EFL1: variants seen among roughly 807,000 people sequenced by gnomAD.
EFL1 encodes the protein elongation factor like GTPase 1, also known as elongation factor-like GTPase 1.
Under a neutral mutation model 126.7 loss-of-function variants are expected in EFL1, and 76 were observed. That is an observed-to-expected ratio of 0.60 (90% CI 0.50 to 0.73). The LOEUF (loss-of-function observed/expected upper bound fraction) is 0.73, where lower values mean the gene tolerates loss of function less well. Among genes scored for constraint, EFL1 ranks in the 30% least tolerant of loss-of-function variants. The pLI is 0.00. For missense variants in EFL1, 1,128 were observed against 1,343.2 expected, an observed-to-expected ratio of 0.84 and a Z score of 2.50; for synonymous variants, 410 against 448.4, an observed-to-expected ratio of 0.91 and a Z score of 1.08.
chr15:82,187,530 T>C (rs1189148165), intron 15 of EFL1, among the ~76,000 whole-genome samples: 2 of 152,164 alleles, frequency 1.3e-5, no homozygotes, highest in African/African-American at 2.4e-5. Flanking sequence ...TATTAAAACT[T>C]TTCTTGTGAC....
chr15:82,164,465 CCT>C (rs1195171139), intron 15 of EFL1, among the ~76,000 whole-genome samples: 7 of 152,260 alleles, frequency 4.6e-5, no homozygotes, highest in East Asian at 1.9e-4. Context: ...CCATACTCCC[CCT>C]GTTTTAGAAG....
chr15:82,146,883 C>G (rs908555327), intron 18 of EFL1, among the ~76,000 whole-genome samples: 15 of 151,926 alleles, frequency 9.9e-5, no homozygotes, highest in African/African-American at 3.4e-4. Flanking sequence ...GACAAAGAAC[C>G]CTGAGGGTTA....
At chr15:82,209,273 G>A (rs1188731042) in intron 15 of EFL1, among the ~76,000 whole-genome samples, 4 of 150,442 alleles carry the variant, frequency 2.7e-5, no homozygotes, top group African/African-American at 7.4e-5. Context: ...GGTTTCTGAC[G>A]CCTAGGTTAC....
intron 4 of EFL1, among the ~76,000 whole-genome samples, chr15:82,251,330 T>C (rs1203370218): frequency 6.6e-6 from 1 of 152,156 alleles, no homozygotes; most frequent in Admixed American, 6.6e-5. Context: ...CTATAGCAAA[T>C]TCTCCTACAA....
chr15:82,153,649 C>CT lies in EFL1; in HGVS notation c.2031-1227dup, dbSNP rs767846702. Among the ~76,000 whole-genome samples the CT allele has an allele frequency of 1.2e-4, 19 of 152,266 alleles. 1 individual carries two copies. The South Asian group carries it at 1.5e-3, about 12-fold the overall frequency. ...TAGGTCTGACTTCAGAATTCACACTCTCAGTCATTATGCTATACTGAAAAA... is the reference window on the plus strand; with the variant it reads ...TAGGTCTGACTTCAGAATTCACACTCTTCAGTCATTATGCTATACTGAAAAA... On this transcript the variant is annotated intron_variant, in intron 17 of 19. Coordinates refer to ENST00000268206, the MANE Select transcript of EFL1 (RefSeq NM_024580.6).
In EFL1 at chr15:82,237,497, C is replaced by T. The variant is rs147885121; in HGVS notation, c.731+810G>A. On this transcript the variant is annotated intron_variant, in intron 7 of 19. Coordinates refer to ENST00000268206, the MANE Select transcript of EFL1 (RefSeq NM_024580.6). Reference sequence around the variant, plus strand: ...CCCAACAGAATTGCTAAAATGAAAACGGTGACAACACCAAACGTGAACATT... The same window carrying T: ...CCCAACAGAATTGCTAAAATGAAAATGGTGACAACACCAAACGTGAACATT... Among the ~76,000 whole-genome samples the T allele has an allele frequency of 2.8e-3, 427 of 152,276 alleles. 3 individuals are homozygous for T. Among genetic ancestry groups the T allele is most frequent in the African/African-American group, 9.7e-3 (405 of 41,562 alleles).
chr15:82,190,857 A>C (rs1290345859), intron 15 of EFL1, among the ~76,000 whole-genome samples: 1 of 152,142 alleles, frequency 6.6e-6, no homozygotes, highest in Non-Finnish European at 1.5e-5. Context: ...ATACATACGT[A>C]TGTATGCAAA....
chr15:82,180,114 G>A (rs1483627625), intron 15 of EFL1, among the ~76,000 whole-genome samples: 2 of 151,972 alleles, frequency 1.3e-5, no homozygotes, highest in African/African-American at 4.8e-5. Flanking sequence ...TCACACTTAG[G>A]AAGACCTCAG....
chr15:82,260,177 A>G (rs954401331), intron 2 of EFL1, among the ~76,000 whole-genome samples: 2 of 152,202 alleles, frequency 1.3e-5, no homozygotes, highest in African/African-American at 4.8e-5. Context: ...AATTTTAAAC[A>G]ATACATTTAA....
At position 82,169,099 on chromosome 15, in the gene EFL1, CTCA is replaced by C. The variant is rs535052050; in HGVS notation, c.1751-5118_1751-5116del. On this transcript the variant is annotated intron_variant, in intron 15 of 19. Transcript: ENST00000268206. ...CAGACTGACCCAATGGAGCTTGGTTCTCATCAAGGGAATAACGCGGTTCTCAGT... is the reference window on the plus strand; with the variant it reads ...CAGACTGACCCAATGGAGCTTGGTTCTCAAGGGAATAACGCGGTTCTCAGT... Among the ~76,000 whole-genome samples, 30 of 152,180 alleles carry C rather than the reference CTCA, an allele frequency of 2.0e-4. No homozygotes were observed. The East Asian group carries it at 5.7e-3, about 29-fold the overall frequency.
At chr15:82,229,321 T>C (rs553806051) in intron 8 of EFL1, among the ~76,000 whole-genome samples, 3 of 152,316 alleles carry the variant, frequency 2.0e-5, no homozygotes, top group African/African-American at 4.8e-5. Context: ...CTGGGAACCA[T>C]AGACTTTACA....
chr15:82,180,970 C>A (rs897897563), intron 15 of EFL1, among the ~76,000 whole-genome samples: 27 of 152,200 alleles, frequency 1.8e-4, no homozygotes, highest in African/African-American at 5.8e-4. Context: ...TCAAGCAATC[C>A]GTCTGCCTCG....
At chr15:82,170,285 T>G (rs1259597207) in intron 15 of EFL1, among the ~76,000 whole-genome samples, 1 of 151,474 alleles carries the variant, frequency 6.6e-6, no homozygotes, top group East Asian at 1.9e-4. Context: ...CGGCTAATTT[T>G]TTGTATTTTT....
At chr15:82,142,107 A>G (rs1401396742) in intron 18 of EFL1, among the ~76,000 whole-genome samples, 4 of 152,224 alleles carry the variant, frequency 2.6e-5, no homozygotes, top group East Asian at 1.9e-4. Context: ...AGCCATATCA[A>G]TAAGAATTTC....
intron 15 of EFL1, among the ~76,000 whole-genome samples, chr15:82,198,127 G>A (rs1022663174): frequency 6.6e-5 from 10 of 152,184 alleles, no homozygotes; most frequent in Non-Finnish European, 1.5e-4. Flanking sequence ...TCATGCATGC[G>A]CTGACATTGA....
At chr15:82,254,221 C>T (rs965520237) in intron 3 of EFL1, among the ~76,000 whole-genome samples, 23 of 152,274 alleles carry the variant, frequency 1.5e-4, no homozygotes, top group Admixed American at 3.9e-4. Context: ...ATGTGTGTTA[C>T]GTGCATATGT....
intron 14 of EFL1, among the ~76,000 whole-genome samples, chr15:82,216,192 TA>T (rs1230365982): frequency 2.6e-5 from 4 of 152,104 alleles, no homozygotes; most frequent in Non-Finnish European, 4.4e-5. Context: ...TCTTTATAAA[TA>T]AAACTATAAA....
chr15:82,235,295 T>C (rs561915831), intron 7 of EFL1, among the ~76,000 whole-genome samples: 81 of 152,342 alleles, frequency 5.3e-4, no homozygotes, highest in Admixed American at 3.9e-4. Context: ...ATTTAGCATA[T>C]GTACATCCTC....
chr15:82,259,594 C>G (rs762661562), intron 2 of EFL1, among the ~76,000 whole-genome samples: 7 of 152,132 alleles, frequency 4.6e-5, no homozygotes, highest in Non-Finnish European at 8.8e-5. Flanking sequence ...CCAATGAAAC[C>G]TAGTATCCAA....
Sources: gnomAD v4.1 joint callset for allele counts (sites outside exome capture counted in the v4.1 genomes callset) on GRCh38, gnomAD v4.1.1 for gene constraint, MANE v1.5 for transcripts, NCBI Gene and HGNC (gene_info 2026-07-23, HGNC 2026-07-21) for gene names.